Variants in ZFHX3 observed in about 807,000 individuals in gnomAD.
The protein encoded by ZFHX3 is zinc finger homeobox protein 3.
Under a neutral mutation model 279.1 loss-of-function variants are expected in ZFHX3, and 42 were observed. That is an observed-to-expected ratio of 0.15 (90% confidence interval 0.12 to 0.19). The LOEUF is 0.19. ZFHX3 is among the 10% of genes least tolerant of loss of function. The pLI, the probability that ZFHX3 is intolerant of heterozygous loss-of-function variation, is 1.00. For missense variants in ZFHX3, 4,981 were observed against 4,754.0 expected (o/e 1.05, Z -1.40); for synonymous variants, 2,293 against 1,957.8 (o/e 1.17, Z -4.52).
intron 7 of ZFHX3, among the ~76,000 whole-genome samples, chr16:73,110,487 A>G (rs1966359650): frequency 6.6e-6 from 1 of 152,212 alleles, no homozygotes; most frequent in South Asian, 2.1e-4. Flanking sequence ...AACATATATA[A>G]TTCAAGTTTT....
At chr16:73,574,637 A>G (rs1264273842) in intron 2 of ZFHX3, among the ~76,000 whole-genome samples, 1 of 152,160 alleles carries the variant, frequency 6.6e-6, no homozygotes, top group African/African-American at 2.4e-5. Context: ...TTCCTAACAC[A>G]GGGGTTTTTC....
intron 1 of ZFHX3, among the ~76,000 whole-genome samples, chr16:73,001,569 T>A (rs773431734): frequency 6.6e-6 from 1 of 151,968 alleles, no homozygotes; most frequent in Admixed American, 6.5e-5. Context: ...TCCCAACACT[T>A]TGGGAGGCTG....
chr16:72,788,464 G>T lies in ZFHX3; in HGVS notation c.9812C>A (p.Thr3271Lys), dbSNP rs759418149. Reference protein sequence around the residue: ...KGEAPTATAATISAPLPTMEY... With the variant: ...KGEAPTATAAKISAPLPTMEY... ...CATGGTGGGCAGCGGGGCTGAGATC[G>T]TGGCTGCAGTTGCCGTGGGGGCCTC... is the stretch of plus-strand genomic sequence containing the variant. Residue 3271 changes from threonine (T) to lysine (K), a missense_variant, in exon 10 of 10, where the codon ACG becomes AAG. Physicochemically the swap from Thr to Lys is moderately conservative, Grantham distance 78. Transcript: ENST00000268489. 25 of 1,614,130 alleles carry T rather than the reference G, an allele frequency of 1.5e-5. No homozygotes were observed. In the Admixed American group the frequency reaches 4.0e-4, roughly 26 times the overall value.
In ZFHX3 at chr16:72,989,459, G is replaced by A. The variant is rs1232271192; in HGVS notation, c.-49-29265C>T. Among the ~76,000 whole-genome samples the A allele has an allele frequency of 3.3e-5, 5 of 151,156 alleles. No individual in the cohort carries two copies. The South Asian group carries it at 6.3e-4, about 19-fold the overall frequency. On this transcript the variant is annotated intron_variant, in intron 1 of 9. Coordinates refer to ENST00000268489, the MANE Select transcript of ZFHX3 (RefSeq NM_006885.4). ...ATTGTGTCACTGCACTCCAGCCTGG[G>A]CGACAGACACTCTGTCTCAAAAAAA...
At chr16:73,735,069 T>G (rs929439315) in intron 1 of ZFHX3, among the ~76,000 whole-genome samples, 6 of 152,094 alleles carry the variant, frequency 3.9e-5, no homozygotes, top group South Asian at 4.1e-4. Context: ...CACATCAAAT[T>G]AACTACTTTA....
intron 1 of ZFHX3, among the ~76,000 whole-genome samples, chr16:73,720,725 A>C (rs1453430118): frequency 6.6e-6 from 1 of 152,172 alleles, no homozygotes; most frequent in Non-Finnish European, 1.5e-5. Flanking sequence ...TTTCTCTCAT[A>C]CTTTTCCATT....
chr16:73,520,248 T>G (rs911135451), intron 2 of ZFHX3, among the ~76,000 whole-genome samples: 6 of 152,236 alleles, frequency 3.9e-5, no homozygotes, highest in Non-Finnish European at 8.8e-5. Flanking sequence ...TTTATGACTA[T>G]GTCTAATCCC....
intron 4 of ZFHX3, among the ~76,000 whole-genome samples, chr16:72,845,411 C>G (rs2037453459): frequency 6.6e-6 from 1 of 152,180 alleles, no homozygotes; most frequent in South Asian, 2.1e-4. Flanking sequence ...ATGAAAGGCT[C>G]CATAATGAAG....
intron 3 of ZFHX3, among the ~76,000 whole-genome samples, chr16:72,920,202 A>G (rs2039548867): frequency 6.6e-6 from 1 of 152,132 alleles, no homozygotes; most frequent in South Asian, 2.1e-4. Context: ...TAACCAAAAT[A>G]AACAATGTTG....
intron 1 of ZFHX3, among the ~76,000 whole-genome samples, chr16:73,875,337 C>A (rs1159098765): frequency 6.6e-6 from 1 of 152,106 alleles, no homozygotes; most frequent in Non-Finnish European, 1.5e-5. Flanking sequence ...CTGCAAGATC[C>A]AATGGCTTCA....
At chr16:73,140,902 G>T (rs1490800269) in intron 6 of ZFHX3, among the ~76,000 whole-genome samples, 1 of 152,020 alleles carries the variant, frequency 6.6e-6, no homozygotes, top group East Asian at 1.9e-4. Context: ...GAGAAACCTT[G>T]GCTTTACACT....
At chr16:72,865,304 C>T (rs2037989841) in intron 4 of ZFHX3, among the ~76,000 whole-genome samples, 2 of 152,184 alleles carry the variant, frequency 1.3e-5, no homozygotes, top group African/African-American at 4.8e-5. Context: ...GGGCTTGTGG[C>T]TGAGATCCCT....
At chr16:73,693,503 G>A (rs941528254) in intron 1 of ZFHX3, among the ~76,000 whole-genome samples, 6 of 151,768 alleles carry the variant, frequency 4.0e-5, no homozygotes, top group Middle Eastern at 3.2e-3. Context: ...CCAGCACCGC[G>A]GCAGGCAAGA....
At chr16:73,564,017 T>C (rs532084160) in intron 2 of ZFHX3, among the ~76,000 whole-genome samples, 2 of 152,308 alleles carry the variant, frequency 1.3e-5, no homozygotes, top group Non-Finnish European at 2.9e-5. Flanking sequence ...ATGGCTTCAA[T>C]TGAAATCCAA....
chr16:73,325,930 C>CAA (rs1489854133), intron 3 of ZFHX3, among the ~76,000 whole-genome samples: 2 of 88,110 alleles, frequency 2.3e-5, no homozygotes, highest in Non-Finnish European at 4.4e-5. Context: ...CACACACAAA[C>CAA]ACACACACAC....
intron 9 of ZFHX3, chr16:72,789,096 T>A: frequency 2.4e-6 from 1 of 420,924 alleles, no homozygotes; most frequent in Non-Finnish European, 4.2e-6. Context: ...TCCAGAAGTA[T>A]CCCACCAGGC....
chr16:72,909,768 C>T (rs1293573947), intron 3 of ZFHX3, among the ~76,000 whole-genome samples: 2 of 148,842 alleles, frequency 1.3e-5, no homozygotes, highest in Non-Finnish European at 3.0e-5. Context: ...GTCCCAGCTA[C>T]TTGGAGGGCT....
intron 4 of ZFHX3, among the ~76,000 whole-genome samples, chr16:73,296,069 CGTGTGTGTGTGTGT>C (rs58283675): frequency 6.7e-6 from 1 of 148,974 alleles, no homozygotes; most frequent in South Asian, 2.1e-4. Context: ...ATTACAATCC[CGTGTGTGTGTGTGT>C]GTGTGTGTGT....
rs948601512 is a variant in ZFHX3 at position 72,950,461 on chromosome 16, G to T, written c.3216+8C>A. ...AGAGCGCCTGAGCCATAAGGAGCTG[G>T]GCCTTACCTTGTACAACTTCAGGCT... On this transcript the variant is annotated splice_region_variant and intron_variant, in intron 3 of 9. Transcript: ENST00000268489. 5.0e-6 allele frequency: 8 copies of T among 1,611,142 alleles called. No individual in the cohort carries two copies. In the African/African-American group the frequency reaches 9.4e-5, roughly 19 times the overall value.
Sources: allele counts gnomAD v4.1 joint callset (sites outside exome capture counted in the v4.1 genomes callset), GRCh38; gene constraint gnomAD v4.1.1; transcripts MANE v1.5; gene names NCBI Gene and HGNC (gene_info 2026-07-23, HGNC 2026-07-21).